LIG1: variants seen among roughly 807,000 people sequenced by gnomAD.
LIG1 encodes the protein ligase I, DNA, ATP-dependent.
A neutral mutation model predicts 115.7 loss-of-function variants in LIG1; 70 were observed. The ratio of observed to expected loss-of-function variants is 0.60; its 90% CI spans 0.50 to 0.74. LIG1 has a LOEUF of 0.74. Ranked by LOEUF, LIG1 falls within the 30% of genes least tolerant of loss-of-function variation. The pLI, the probability that LIG1 is intolerant of heterozygous loss-of-function variation, is 0.00. For missense variants in LIG1, 1,115 were observed against 1,225.6 expected (o/e 0.91, Z 1.35); for synonymous variants, 487 against 495.3 (o/e 0.98, Z 0.22).
chr19:48,119,779 G>A (rs542738499), intron 24 of LIG1, among the ~76,000 whole-genome samples: 1 of 152,244 alleles, frequency 6.6e-6, no homozygotes, highest in African/African-American at 2.4e-5. Flanking sequence ...CTGGGCTCAA[G>A]TGATCCTCCC....
intron 3 of LIG1, among the ~76,000 whole-genome samples, chr19:48,161,843 T>G (rs2036195532): frequency 6.7e-6 from 1 of 149,338 alleles, no homozygotes. Context: ...TTTTTTTTTT[T>G]GAGATGGAAT....
intron 24 of LIG1, chr19:48,120,722 G>A (rs368051045): frequency 6.8e-5 from 23 of 338,320 alleles, no homozygotes; most frequent in African/African-American, 2.0e-4. Flanking sequence ...TCCCTGGTGC[G>A]TGGAGCAGGC....
intron 19 of LIG1, among the ~76,000 whole-genome samples, chr19:48,130,335 CTT>C: frequency 6.6e-6 from 1 of 152,204 alleles, no homozygotes; most frequent in Non-Finnish European, 1.5e-5. Context: ...TCTTAAATAA[CTT>C]ATTTCCTATT....
At chr19:48,120,928 T>G in intron 24 of LIG1, 2 of 1,349,354 alleles carry the variant, frequency 1.5e-6, no homozygotes, top group East Asian at 3.0e-5. Context: ...GCCACCACTA[T>G]TTGTAGCTAA....
intron 2 of LIG1, among the ~76,000 whole-genome samples, 194 bp downstream of exon 2, chr19:48,165,356 T>C (rs1164686981): frequency 6.6e-6 from 1 of 152,210 alleles, no homozygotes; most frequent in Non-Finnish European, 1.5e-5. Context: ...TCCTTGCAAC[T>C]AAAAACTGTT....
At chr19:48,133,118 GT>G in intron 17 of LIG1, 21 bp from the exon 18 acceptor site, 1 of 1,501,822 alleles carries the variant, frequency 6.7e-7, no homozygotes, top group Non-Finnish European at 9.3e-7. Context: ...AGGAGAGTGA[GT>G]TAGAGGAGAG....
At chr19:48,141,927 G>A (rs1218554057) in intron 11 of LIG1, among the ~76,000 whole-genome samples, 1 of 152,198 alleles carries the variant, frequency 6.6e-6, no homozygotes, top group African/African-American at 2.4e-5. Flanking sequence ...TGGAAAGAAG[G>A]TCTTTGCGGA....
At position 48,164,660 on chromosome 19, in the gene LIG1, A is replaced by G. The variant is rs117362945; in HGVS notation, c.17+890T>C. ...ACAACCTCAAGGACAGTAGAGCTGA[A>G]CAATGGAGAGAGACAGATTCCCAGG... On this transcript the variant is annotated intron_variant, in intron 2 of 27. Coordinates refer to ENST00000263274, the MANE Select transcript of LIG1 (RefSeq NM_000234.3). Among the ~76,000 whole-genome samples the G allele has an allele frequency of 6.0e-3, 913 of 152,348 alleles. 10 individuals carry two copies. The highest frequency in any genetic ancestry group is 0.031 in the Middle Eastern group (9 of 294).
Position 48,143,619 on chromosome 19 carries a change from G to GC in LIG1, c.858-21dup, listed in dbSNP as rs1310948900. The GC allele has an allele frequency of 1.4e-5, 22 of 1,606,444 alleles. No homozygotes were observed. Among genetic ancestry groups the GC allele is most frequent in the Non-Finnish European group, 1.9e-5 (22 of 1,173,896 alleles). On this transcript the variant is annotated intron_variant, in intron 10 of 27. Transcript: ENST00000263274. ...GGAACCCTAGGGAAGGAAAAGAGAC[G>GC]CAAGAGTGACAGTGGTGCAGGCTAT...
At position 48,122,585 on chromosome 19, in the gene LIG1, A is replaced by G. The variant is rs1442129375; in HGVS notation, c.2232+349T>C. Among the ~76,000 whole-genome samples the G allele has an allele frequency of 6.6e-6, 1 of 152,064 alleles. No homozygotes were observed. The highest frequency in any genetic ancestry group is 2.4e-5 in the African/African-American group (1 of 41,398). ...GCCCGGAGCTGACTTGCTTTTCTTC[A>G]TGGCGCCCACTCCTGCCTGACTTTC... On this transcript the variant is annotated intron_variant, in intron 23 of 27. Transcript: ENST00000263274. This position sits in a 1 kb window ranked among gnomAD's most constrained non-coding sequence, Gnocchi z 4.3.
chr19:48,134,626 C>T (rs2034264996), intron 16 of LIG1, among the ~76,000 whole-genome samples: 1 of 152,238 alleles, frequency 6.6e-6, no homozygotes, highest in South Asian at 2.1e-4. Context: ...CTGCTGCACT[C>T]CAGCCTGGAT....
chr19:48,136,481 C>A (rs2034399134), intron 14 of LIG1, among the ~76,000 whole-genome samples: 2 of 152,180 alleles, frequency 1.3e-5, no homozygotes, highest in Non-Finnish European at 2.9e-5. Context: ...AGGACCCCAG[C>A]ATGGTCCTTG....
In LIG1 at chr19:48,165,571, G is replaced by C. The variant is rs2036434269; in HGVS notation, c.-5C>G. The C allele has an allele frequency of 6.2e-7, 1 of 1,613,738 alleles. No homozygotes were observed. Among genetic ancestry groups the C allele is most frequent in the Admixed American group, 1.7e-5 (1 of 59,974 alleles). On this transcript the variant is annotated 5_prime_UTR_variant, in exon 2 of 28. Transcript: ENST00000263274. The stretch of plus-strand genomic sequence containing the variant: ...TCACATGATACTTCGCTGCATGTTG[G>C]CGTCAGAATTCTCCCTTCCTGTCCA...
chr19:48,118,003 C>T, intron 25 of LIG1: 1 of 591,786 alleles, frequency 1.7e-6, no homozygotes, highest in East Asian at 2.9e-5. Flanking sequence ...GAAACAAGAC[C>T]CCCTTGAAGT....
In LIG1 at chr19:48,150,180, T is replaced by C. The variant is rs2035377593; in HGVS notation, c.605A>G (p.Glu202Gly). Residue 202 changes from glutamate (E) to glycine (G), a missense_variant, in exon 8 of 28, where the codon GAG becomes GGG. By Grantham distance (98) the Glu-to-Gly change is moderately conservative. Transcript: ENST00000263274. ...TTCCTGCTTCGTGGCCACCTCAGGC[T>C]CTGAAACGCTTTCCGTCGGGGTCTC... ...KAETPTESVS[E>G]PEVATKQELQ... The C allele has an allele frequency of 1.2e-6, 2 of 1,614,198 alleles. No individual in the cohort carries two copies. Among genetic ancestry groups the C allele is most frequent in the African/African-American group, 2.7e-5 (2 of 75,062 alleles).
chr19:48,161,248 A>G, intron 4 of LIG1, 124 bp downstream of exon 4: 1 of 1,413,122 alleles, frequency 7.1e-7, no homozygotes, highest in Non-Finnish European at 1.0e-6. Context: ...CACAACCAGG[A>G]AACACATCTA....
chr19:48,155,038 T>G (rs2386523), intron 5 of LIG1, among the ~76,000 whole-genome samples: 2 of 151,858 alleles, frequency 1.3e-5, no homozygotes, highest in Non-Finnish European at 2.9e-5. Flanking sequence ...ATGTGAGGTT[T>G]GGGACATAGC....
chr19:48,131,291 G>A (rs2034008733), intron 18 of LIG1, 120 bp from the exon 19 acceptor site: 3 of 724,778 alleles, frequency 4.1e-6, no homozygotes, highest in Non-Finnish European at 7.4e-6. Flanking sequence ...AGGAACTGGT[G>A]CAGAGACTTG....
chr19:48,133,121 A>AC (rs1568498065), intron 17 of LIG1, 24 bp from the exon 18 acceptor site: 1 of 1,476,492 alleles, frequency 6.8e-7, no homozygotes. Context: ...AGAGTGAGTT[A>AC]GAGGAGAGGG....
Sources: gnomAD v4.1 joint callset for allele counts (sites outside exome capture counted in the v4.1 genomes callset) on GRCh38, gnomAD v4.1.1 for gene constraint, Gnocchi (gnomAD v3.1) non-coding constraint, MANE v1.5 for transcripts, NCBI Gene and HGNC (gene_info 2026-07-23, HGNC 2026-07-21) for gene names.